The following NEGR1 variants were observed in gnomAD, a reference collection of about 807,000 sequenced individuals.
NEGR1 encodes neuronal growth regulator 1.
In NEGR1, 10 loss-of-function variants were observed where a neutral mutation model predicts 40.9. The observed-to-expected ratio is 0.24, with a 90% confidence interval of 0.15 to 0.42. The LOEUF (loss-of-function observed/expected upper bound fraction) is 0.42. NEGR1 is among the 10% of genes least tolerant of loss of function. The pLI is 1.00. For synonymous variants in NEGR1, 185 were observed against 166.8 expected (o/e 1.11, Z -0.84); for missense variants, 352 against 438.9 (o/e 0.80, Z 1.77).
At chr1:72,049,281 C>G (rs1647034804) in intron 1 of NEGR1, among the ~76,000 whole-genome samples, 1 of 151,620 alleles carries the variant, frequency 6.6e-6, no homozygotes, top group African/African-American at 2.4e-5. Context: ...TCCAAGCTTT[C>G]AGTGAGCTAT....
intron 1 of NEGR1, among the ~76,000 whole-genome samples, chr1:71,988,019 C>G (rs1235976999): frequency 4.6e-5 from 7 of 152,182 alleles, no homozygotes; most frequent in Non-Finnish European, 8.8e-5. Flanking sequence ...TTCTTGTTCC[C>G]TAAGACCCCT....
chr1:71,747,509 C>G (rs1010246560), intron 3 of NEGR1, among the ~76,000 whole-genome samples: 4 of 151,918 alleles, frequency 2.6e-5, no homozygotes, highest in African/African-American at 9.7e-5. Context: ...AATGCAGCTT[C>G]CACCTCCTGG....
intron 1 of NEGR1, among the ~76,000 whole-genome samples, chr1:72,250,139 G>T (rs1034093102): frequency 2.0e-5 from 3 of 152,120 alleles, no homozygotes; most frequent in African/African-American, 7.2e-5. Context: ...AGCAATTATT[G>T]AGTTTTCCCA....
intron 1 of NEGR1, among the ~76,000 whole-genome samples, chr1:71,972,498 A>C (rs1646265207): frequency 6.6e-6 from 1 of 152,230 alleles, no homozygotes; most frequent in South Asian, 2.1e-4. Context: ...CTTAGGAAGA[A>C]CTTAGATATA....
chr1:72,058,136 T>G lies in NEGR1; in HGVS notation c.177-122825A>C, dbSNP rs1179422205. 4.6e-5 allele frequency among the ~76,000 whole-genome samples: 7 copies of G among 151,530 alleles called. No homozygotes were observed. The East Asian group carries it at 1.2e-3, about 25-fold the overall frequency. On this transcript the variant is annotated intron_variant, in intron 1 of 6. Transcript: ENST00000357731. The stretch of plus-strand genomic sequence containing the variant: ...ATTACAGTGCCTTTGAGGCTCAGGG[T>G]CTGGGCTTTCCCTTCACATGAAACT...
chr1:71,603,277 T>G (rs1649981548), intron 5 of NEGR1, among the ~76,000 whole-genome samples: 1 of 152,212 alleles, frequency 6.6e-6, no homozygotes, highest in Non-Finnish European at 1.5e-5. Flanking sequence ...AACATATAAC[T>G]GCCTACGTTG....
intron 4 of NEGR1, among the ~76,000 whole-genome samples, chr1:71,681,246 T>C (rs1652826972): frequency 6.6e-6 from 1 of 152,246 alleles, no homozygotes; most frequent in African/African-American, 2.4e-5. Flanking sequence ...TTTCTATTCT[T>C]TCTGTAACAA....
At chr1:72,168,214 T>C (rs903718440) in intron 1 of NEGR1, among the ~76,000 whole-genome samples, 3 of 152,018 alleles carry the variant, frequency 2.0e-5, no homozygotes, top group African/African-American at 7.2e-5. Flanking sequence ...GGTTTCTCCA[T>C]GCTGACCAGG....
At chr1:72,199,896 T>G (rs756018922) in intron 1 of NEGR1, among the ~76,000 whole-genome samples, 1 of 151,702 alleles carries the variant, frequency 6.6e-6, no homozygotes, top group Non-Finnish European at 1.5e-5. Flanking sequence ...CAGAAACACA[T>G]ACATGGAGCC....
At chr1:72,241,804 TAAC>T (rs1557594150) in intron 1 of NEGR1, among the ~76,000 whole-genome samples, 1 of 151,554 alleles carries the variant, frequency 6.6e-6, no homozygotes, top group Admixed American at 6.6e-5. Flanking sequence ...GAAAAAAAAG[TAAC>T]AACACAGATG....
chr1:71,701,848 G>A (rs1436752871), intron 3 of NEGR1, among the ~76,000 whole-genome samples: 1 of 152,000 alleles, frequency 6.6e-6, no homozygotes, highest in Non-Finnish European at 1.5e-5. Flanking sequence ...TACAAATGAA[G>A]TTCAGAAAAA....
intron 1 of NEGR1, among the ~76,000 whole-genome samples, chr1:72,049,275 A>G (rs1647034669): frequency 6.6e-6 from 1 of 151,668 alleles, no homozygotes; most frequent in Non-Finnish European, 1.5e-5. Context: ...TAGGAGTCCA[A>G]GCTTTCAGTG....
chr1:72,131,787 T>C lies in NEGR1; in HGVS notation c.176+150532A>G, dbSNP rs550533319. Reference sequence around the variant, plus strand: ...GAACCAATATATACAATATTAGTTATCCTTAAGGGTATTTTACTCCCAGTA... The same window carrying C: ...GAACCAATATATACAATATTAGTTACCCTTAAGGGTATTTTACTCCCAGTA... On this transcript the variant is annotated intron_variant, in intron 1 of 6. Transcript: ENST00000357731. Among the ~76,000 whole-genome samples the C allele has an allele frequency of 2.6e-5, 4 of 152,316 alleles. No individual in the cohort carries two copies. The South Asian group carries it at 8.3e-4, about 32-fold the overall frequency.
intron 2 of NEGR1, among the ~76,000 whole-genome samples, chr1:71,827,542 G>C (rs547464368): frequency 2.0e-5 from 3 of 151,854 alleles, no homozygotes; most frequent in South Asian, 4.2e-4. Flanking sequence ...GAGAAGAATA[G>C]GACCAGTATT....
chr1:71,786,557 G>C (rs978420091), intron 2 of NEGR1, among the ~76,000 whole-genome samples: 14 of 152,142 alleles, frequency 9.2e-5, no homozygotes, highest in African/African-American at 2.7e-4. Flanking sequence ...AACATTTACT[G>C]TGAGTAATAT....
Position 72,248,607 on chromosome 1 carries a change from T to TATTATTATC in NEGR1, c.176+33711_176+33712insGATAATAAT, listed in dbSNP as rs1553153665. Among the ~76,000 whole-genome samples the TATTATTATC allele has an allele frequency of 1.2e-4, 18 of 147,126 alleles. 1 individual carries two copies. Among genetic ancestry groups the TATTATTATC allele is most frequent in the African/African-American group, 4.2e-4 (17 of 40,176 alleles). ...TTATTATTATTATTATTATTATTAT[T>TATTATTATC]ATTATTATTTTAGACAGAGTCTCGC... On this transcript the variant is annotated intron_variant, in intron 1 of 6. Transcript: ENST00000357731.
intron 1 of NEGR1, among the ~76,000 whole-genome samples, chr1:72,039,307 G>A (rs2100453354): frequency 6.6e-6 from 1 of 152,058 alleles, no homozygotes; most frequent in South Asian, 2.1e-4. Flanking sequence ...TCAGGTACAT[G>A]ATGTGGGCAT....
intron 2 of NEGR1, among the ~76,000 whole-genome samples, chr1:71,782,219 C>T (rs561359021): frequency 5.3e-5 from 8 of 152,226 alleles, no homozygotes; most frequent in Admixed American, 2.0e-4. Flanking sequence ...CTAGGCCACC[C>T]CTTCCACCAT....
intron 2 of NEGR1, among the ~76,000 whole-genome samples, chr1:71,805,166 G>A (rs576966854): frequency 7.9e-5 from 12 of 152,202 alleles, no homozygotes; most frequent in Non-Finnish European, 1.6e-4. Context: ...CCTGTCTGCT[G>A]ATAAGATGTT....
Sources: gnomAD v4.1 joint callset for allele counts (sites outside exome capture counted in the v4.1 genomes callset) on GRCh38, gnomAD v4.1.1 for gene constraint, MANE v1.5 for transcripts, NCBI Gene and HGNC (gene_info 2026-07-23, HGNC 2026-07-21) for gene names.